Variants in UBTD1 observed in about 807,000 individuals in gnomAD.
The protein encoded by UBTD1 is ubiquitin domain-containing protein 1.
UBTD1 carries 19 observed loss-of-function variants against 21.7 expected under a neutral mutation model. The ratio of observed to expected loss-of-function variants is 0.87; its 90% CI spans 0.61 to 1.28. The LOEUF (loss-of-function observed/expected upper bound fraction) is 1.28, where lower values mean the gene tolerates loss of function less well. Among genes scored for constraint, UBTD1 ranks in the 50% most tolerant of loss-of-function variants. UBTD1 has a pLI of 0.00. For synonymous variants in UBTD1, 116 were observed against 135.1 expected, an observed-to-expected ratio of 0.86 and a Z score of 0.98; for missense variants, 282 against 315.1, an observed-to-expected ratio of 0.89 and a Z score of 0.80.
intron 1 of UBTD1, among the ~76,000 whole-genome samples, chr10:97,546,210 T>TA (rs963484301): frequency 6.6e-6 from 1 of 151,756 alleles, no homozygotes; most frequent in African/African-American, 2.4e-5. Flanking sequence ...GACTGTGGGG[T>TA]AGTTGGTGAG....
At chr10:97,502,739 A>G (rs1251845616) in intron 1 of UBTD1, among the ~76,000 whole-genome samples, 1 of 152,052 alleles carries the variant, frequency 6.6e-6, no homozygotes, top group African/African-American at 2.4e-5. Flanking sequence ...GCAGAGACAC[A>G]ATACTGTCTG....
intron 1 of UBTD1, among the ~76,000 whole-genome samples, chr10:97,563,387 T>A (rs1274393891): frequency 2.6e-5 from 4 of 152,192 alleles, no homozygotes; most frequent in Non-Finnish European, 5.9e-5. Flanking sequence ...AATCGAGGCC[T>A]CGTCAGTTTT....
chr10:97,528,313 C>T (rs2040502799), intron 1 of UBTD1, among the ~76,000 whole-genome samples: 1 of 139,784 alleles, frequency 7.2e-6, no homozygotes. Flanking sequence ...TGACCCCCAA[C>T]CTCCCTCCCG....
intron 1 of UBTD1, among the ~76,000 whole-genome samples, chr10:97,522,537 G>A (rs1451055092): frequency 6.6e-6 from 1 of 152,200 alleles, no homozygotes; most frequent in African/African-American, 2.4e-5. Flanking sequence ...GAGACAGGGT[G>A]TGTAACTTGC....
intron 1 of UBTD1, among the ~76,000 whole-genome samples, chr10:97,557,595 G>T (rs754851603): frequency 2.0e-5 from 3 of 151,680 alleles, no homozygotes; most frequent in Non-Finnish European, 4.4e-5. Flanking sequence ...TTAGAGAACC[G>T]CATCCTATTC....
At chr10:97,515,917 G>A (rs1250609664) in intron 1 of UBTD1, among the ~76,000 whole-genome samples, 1 of 152,222 alleles carries the variant, frequency 6.6e-6, no homozygotes. Flanking sequence ...TCCAAACAGG[G>A]GAACTTTGAC....
chr10:97,499,380 G>A lies in UBTD1; in HGVS notation c.70+107G>A, dbSNP rs29001240. The A allele has an allele frequency of 6.1e-5, 83 of 1,354,206 alleles. 1 individual carries two copies. The highest frequency in any genetic ancestry group is 8.0e-5 in the Non-Finnish European group (82 of 1,020,688). The allele number at this position is 1,354,206 out of a possible 1,614,324, so 83.9% of individuals were successfully genotyped here. On this transcript the variant is annotated intron_variant, in intron 1 of 2. Coordinates refer to ENST00000370664, the MANE Select transcript of UBTD1 (RefSeq NM_024954.5). Reference sequence around the variant, plus strand: ...ACTCCCCACTGGTGCTGGCGCTTGGGTTTCCCCGATGGGCTGCTCCGCAGC... The same window carrying A: ...ACTCCCCACTGGTGCTGGCGCTTGGATTTCCCCGATGGGCTGCTCCGCAGC...
rs190318961 is a variant in UBTD1 at position 97,527,075 on chromosome 10, G to A, written c.70+27802G>A. 9.0e-4 allele frequency among the ~76,000 whole-genome samples: 129 copies of A among 144,114 alleles called. 3 individuals are homozygous for A. In the East Asian group the frequency reaches 0.025, roughly 28 times the overall value. 94.5% of individuals were successfully genotyped at this position (144,114 alleles called of 152,430 possible). A position where few individuals can be genotyped will look rare whatever the true frequency, so the allele number is the denominator to read the frequency against. On this transcript the variant is annotated intron_variant, in intron 1 of 2. Coordinates refer to ENST00000370664, the MANE Select transcript of UBTD1 (RefSeq NM_024954.5). ...AATACCAGCTACTCAGGAGGCTGAG[G>A]CATGAGAATTGCTTGAACCAGGAGG...
At chr10:97,567,051 A>T (rs1328406297) in intron 1 of UBTD1, among the ~76,000 whole-genome samples, 1 of 152,004 alleles carries the variant, frequency 6.6e-6, no homozygotes, top group Non-Finnish European at 1.5e-5. Flanking sequence ...GTGGGACATT[A>T]GTAACAAGAT....
intron 1 of UBTD1, 148 bp downstream of exon 1, chr10:97,499,421 C>T (rs961454700): frequency 9.0e-7 from 1 of 1,112,194 alleles, no homozygotes; most frequent in Non-Finnish European, 1.2e-6. Context: ...GGGGCCGCTC[C>T]CCAGCGCCGG....
chr10:97,540,145 GCTCTGT>G (rs1407719701), intron 1 of UBTD1, among the ~76,000 whole-genome samples: 1 of 152,254 alleles, frequency 6.6e-6, no homozygotes, highest in Non-Finnish European at 1.5e-5. Context: ...GAGCAAGGAG[GCTCTGT>G]TCACTGAGGT....
At chr10:97,560,806 A>AACACCACGCTT (rs748489966) in intron 1 of UBTD1, among the ~76,000 whole-genome samples, 1 of 151,988 alleles carries the variant, frequency 6.6e-6, no homozygotes, top group Non-Finnish European at 1.5e-5. Context: ...TTTGAGACAA[A>AACACCACGCTT]ACACCACGCT....
At chr10:97,566,041 A>G (rs537678701) in intron 1 of UBTD1, among the ~76,000 whole-genome samples, 3 of 152,204 alleles carry the variant, frequency 2.0e-5, no homozygotes, top group Non-Finnish European at 4.4e-5. Flanking sequence ...GAAGTTCTAT[A>G]TGGTTCTTTT....
intron 1 of UBTD1, among the ~76,000 whole-genome samples, chr10:97,534,570 C>CGT (rs1491095705): frequency 4.4e-5 from 4 of 91,930 alleles, no homozygotes; most frequent in African/African-American, 1.3e-4. Context: ...GGAACACACA[C>CGT]GCGCGCGCGC....
intron 1 of UBTD1, among the ~76,000 whole-genome samples, chr10:97,519,774 A>T (rs1232589721): frequency 1.3e-5 from 2 of 152,204 alleles, no homozygotes; most frequent in Non-Finnish European, 2.9e-5. Context: ...GGGGGTGTAT[A>T]TGGGAAGCCT....
intron 1 of UBTD1, among the ~76,000 whole-genome samples, chr10:97,516,193 A>G (rs1467472863): frequency 6.6e-6 from 1 of 152,146 alleles, no homozygotes; most frequent in African/African-American, 2.4e-5. Context: ...GGATTTTGGC[A>G]AGGCAGCCTG....
At chr10:97,513,471 C>G (rs1174835971) in intron 1 of UBTD1, among the ~76,000 whole-genome samples, 1 of 152,096 alleles carries the variant, frequency 6.6e-6, no homozygotes, top group East Asian at 1.9e-4. Context: ...TGGTGGGACT[C>G]AAGTTGCTCC....
chr10:97,534,918 C>CA (rs2040552900), intron 1 of UBTD1, among the ~76,000 whole-genome samples: 1 of 152,248 alleles, frequency 6.6e-6, no homozygotes, highest in South Asian at 2.1e-4. Flanking sequence ...AAGCGGCACT[C>CA]AGCCAGCCTT....
intron 2 of UBTD1, 152 bp downstream of exon 2, chr10:97,568,293 G>A (rs1258375148): frequency 1.3e-6 from 1 of 748,874 alleles, no homozygotes; most frequent in Non-Finnish European, 2.1e-6. Context: ...ACCAGGAGTG[G>A]GTACACAAAG....
Sources: allele counts gnomAD v4.1 joint callset (sites outside exome capture counted in the v4.1 genomes callset), GRCh38; gene constraint gnomAD v4.1.1; transcripts MANE v1.5; gene names NCBI Gene and HGNC (gene_info 2026-07-23, HGNC 2026-07-21).